CNTN4: variants seen among roughly 807,000 people sequenced by gnomAD.
The protein encoded by CNTN4 is contactin 4, also known as contactin-4.
Under a neutral mutation model 122.5 loss-of-function variants are expected in CNTN4, and 77 were observed. The ratio of observed to expected loss-of-function variants is 0.63; its 90% CI spans 0.52 to 0.76. The LOEUF (loss-of-function observed/expected upper bound fraction) is 0.76. CNTN4 is among the 30% of genes least tolerant of loss of function. The pLI is 0.00. For synonymous variants in CNTN4, 512 were observed against 447.0 expected, an observed-to-expected ratio of 1.15 and a Z score of -1.83; for missense variants, 1,256 against 1,259.1, an observed-to-expected ratio of 1.00 and a Z score of 0.04.
At chr3:2,145,818 C>T (rs2035220788) in intron 2 of CNTN4, among the ~76,000 whole-genome samples, 1 of 131,700 alleles carries the variant, frequency 7.6e-6, no homozygotes, top group South Asian at 2.3e-4. Context: ...TATTATTATT[C>T]CCACTTTTAA....
At chr3:2,538,203 A>G (rs1341923017) in intron 3 of CNTN4, among the ~76,000 whole-genome samples, 1 of 152,130 alleles carries the variant, frequency 6.6e-6, no homozygotes, top group Admixed American at 6.6e-5. Context: ...AACCACCAGA[A>G]GCTAAATAGA....
At chr3:2,299,797 A>G (rs2042440073) in intron 2 of CNTN4, among the ~76,000 whole-genome samples, 2 of 152,182 alleles carry the variant, frequency 1.3e-5, no homozygotes, top group Admixed American at 6.5e-5. Context: ...AATAAATTGC[A>G]TGGAAGTTTT....
chr3:2,992,897 A>G (rs1254016281), intron 14 of CNTN4, among the ~76,000 whole-genome samples: 1 of 152,180 alleles, frequency 6.6e-6, no homozygotes, highest in African/African-American at 2.4e-5. Context: ...TGCATATTAG[A>G]AGTGCAGATC....
intron 3 of CNTN4, among the ~76,000 whole-genome samples, chr3:2,351,632 T>C (rs1302576152): frequency 1.3e-5 from 2 of 152,158 alleles, no homozygotes; most frequent in Non-Finnish European, 2.9e-5. Context: ...CTCGGAATGG[T>C]GTAGAATTTA....
At chr3:2,917,201 T>G (rs914409482) in intron 12 of CNTN4, among the ~76,000 whole-genome samples, 2 of 151,124 alleles carry the variant, frequency 1.3e-5, no homozygotes, top group Non-Finnish European at 2.9e-5. Flanking sequence ...GTCGGCAGGC[T>G]GAGGCAGGAG....
At chr3:2,270,519 C>G (rs889234035) in intron 2 of CNTN4, among the ~76,000 whole-genome samples, 2 of 152,058 alleles carry the variant, frequency 1.3e-5, no homozygotes, top group Non-Finnish European at 2.9e-5. Context: ...TGGGAATGGA[C>G]AGGAGTACTT....
At chr3:2,727,652 C>T (rs771676195) in intron 4 of CNTN4, among the ~76,000 whole-genome samples, 2 of 152,202 alleles carry the variant, frequency 1.3e-5, no homozygotes, top group African/African-American at 2.4e-5. Flanking sequence ...CTTCCCCGTC[C>T]TACCACTGTT....
chr3:2,526,640 CT>C (rs2077407738), intron 3 of CNTN4, among the ~76,000 whole-genome samples: 4 of 152,032 alleles, frequency 2.6e-5, no homozygotes, highest in Admixed American at 2.6e-4. Context: ...CAATCATGTA[CT>C]TTTTTGAAAT....
intron 13 of CNTN4, among the ~76,000 whole-genome samples, chr3:2,975,779 A>T (rs1429825885): frequency 2.0e-5 from 3 of 152,204 alleles, no homozygotes; most frequent in Non-Finnish European, 4.4e-5. Context: ...TCATTATAAA[A>T]GTTATATTAC....
intron 2 of CNTN4, among the ~76,000 whole-genome samples, chr3:2,284,395 C>G (rs998246989): frequency 6.6e-6 from 1 of 152,060 alleles, no homozygotes; most frequent in Non-Finnish European, 1.5e-5. Flanking sequence ...TTCAAGGTGG[C>G]TTTATACTGT....
intron 3 of CNTN4, among the ~76,000 whole-genome samples, chr3:2,492,069 T>G (rs1559603738): frequency 6.6e-6 from 1 of 152,222 alleles, no homozygotes; most frequent in Non-Finnish European, 1.5e-5. Flanking sequence ...TCTATGCACC[T>G]TTCTGCATTT....
intron 3 of CNTN4, among the ~76,000 whole-genome samples, chr3:2,570,314 T>A (rs1234121082): frequency 6.6e-6 from 1 of 151,850 alleles, no homozygotes; most frequent in Non-Finnish European, 1.5e-5. Flanking sequence ...GCAGGGACTA[T>A]AGGCGTGCAC....
chr3:2,103,937 C>T (rs937584186), intron 2 of CNTN4, among the ~76,000 whole-genome samples: 3 of 151,960 alleles, frequency 2.0e-5, no homozygotes, highest in Non-Finnish European at 4.4e-5. Context: ...GTGTAGTGGT[C>T]AATAGTAAGC....
At chr3:2,314,966 A>G (rs2043043970) in intron 2 of CNTN4, among the ~76,000 whole-genome samples, 1 of 152,052 alleles carries the variant, frequency 6.6e-6, no homozygotes, top group Admixed American at 6.6e-5. Flanking sequence ...AGGAAAAAGA[A>G]AAATTAATGC....
rs1018885727 is a variant in CNTN4, at chr3:2,687,148, A to T, written c.56-49067A>T. Among the ~76,000 whole-genome samples, 3 of 84,324 alleles carry T rather than the reference A, an allele frequency of 3.6e-5. No homozygotes were observed. The East Asian group carries it at 1.1e-3, about 31-fold the overall frequency. The allele number at this position is 84,324 out of a possible 152,430, so 55.3% of individuals were successfully genotyped here. On this transcript the variant is annotated intron_variant, in intron 4 of 24. Coordinates refer to ENST00000418658, the MANE Select transcript of CNTN4 (RefSeq NM_175607.3). ...GTTTCAATCATTTAAATATCAAGAG[A>T]TCTAACAGAAATGTCTGTGTTTCTG...
At chr3:2,411,991 C>T (rs979782542) in intron 3 of CNTN4, among the ~76,000 whole-genome samples, 3 of 152,086 alleles carry the variant, frequency 2.0e-5, no homozygotes, top group Non-Finnish European at 4.4e-5. Context: ...CCTCTTCTAT[C>T]CTGAGGTAAT....
intron 2 of CNTN4, among the ~76,000 whole-genome samples, chr3:2,260,693 G>GTTTTC (rs1056413777): frequency 1.3e-5 from 2 of 150,670 alleles, no homozygotes; most frequent in South Asian, 2.1e-4. Context: ...ACAGATTTAA[G>GTTTTC]TTTTCTTTTC....
At chr3:2,314,334 G>A (rs2043018371) in intron 2 of CNTN4, among the ~76,000 whole-genome samples, 1 of 151,888 alleles carries the variant, frequency 6.6e-6, no homozygotes, top group Non-Finnish European at 1.5e-5. Flanking sequence ...AGCCAAGGGA[G>A]TTTCGAAAAT....
rs568768933 is a variant in CNTN4, at chr3:2,123,338, C to T, written c.-145+22699C>T. Among the ~76,000 whole-genome samples the T allele has an allele frequency of 2.0e-5, 3 of 152,346 alleles. No individual in the cohort carries two copies. In the South Asian group the frequency reaches 6.2e-4, roughly 32 times the overall value. On this transcript the variant is annotated intron_variant, in intron 2 of 24. Transcript: ENST00000418658. Reference sequence around the variant, plus strand: ...TGGCAGAGCTATCTCCCTCTGCCTGCTTCCAGAGGAGTTTTTCCTTTTATT... The same window carrying T: ...TGGCAGAGCTATCTCCCTCTGCCTGTTTCCAGAGGAGTTTTTCCTTTTATT...
Sources: gnomAD v4.1 joint callset for allele counts (sites outside exome capture counted in the v4.1 genomes callset) on GRCh38, gnomAD v4.1.1 for gene constraint, MANE v1.5 for transcripts, NCBI Gene and HGNC (gene_info 2026-07-23, HGNC 2026-07-21) for gene names.